The following RNF38 variants were observed in gnomAD, a reference collection of about 807,000 sequenced individuals.
RNF38 encodes E3 ubiquitin-protein ligase RNF38.
In RNF38, 15 loss-of-function variants were observed where a neutral mutation model predicts 67.2. The observed-to-expected ratio is 0.22, with a 90% CI of 0.15 to 0.34. The LOEUF (loss-of-function observed/expected upper bound fraction) is 0.34. Among genes scored for constraint, RNF38 ranks in the 10% least tolerant of loss-of-function variants. The pLI is 1.00. For synonymous variants in RNF38, 220 were observed against 218.8 expected (o/e 1.01, Z -0.05); for missense variants, 524 against 639.9 (o/e 0.82, Z 1.95).
At chr9:36,388,366 T>G (rs1836803193) in intron 2 of RNF38, among the ~76,000 whole-genome samples, 1 of 151,960 alleles carries the variant, frequency 6.6e-6, no homozygotes, top group Non-Finnish European at 1.5e-5. Context: ...TTTGGGCAAT[T>G]AAAAAGAAGT....
intron 1 of RNF38, among the ~76,000 whole-genome samples, chr9:36,395,381 T>TA (rs1837440643): frequency 6.6e-6 from 1 of 152,152 alleles, no homozygotes; most frequent in South Asian, 2.1e-4. Context: ...ACATGACTTC[T>TA]AAGCCAGTAT....
chr9:36,344,633 A>G lies in RNF38; in HGVS notation c.1385+199T>C, dbSNP rs111464969. 6.8e-3 allele frequency among the ~76,000 whole-genome samples: 1,033 copies of G among 152,342 alleles called. 6 individuals carry two copies. The highest frequency in any genetic ancestry group is 0.011 in the Non-Finnish European group (729 of 68,020). On this transcript the variant is annotated intron_variant, in intron 10 of 11. Transcript: ENST00000259605. Reference sequence around the variant, plus strand: ...TTTAATTTTTAATTTAATTAGCTCTACATTGACTTACTGGACAAGCACTGG... The same window carrying G: ...TTTAATTTTTAATTTAATTAGCTCTGCATTGACTTACTGGACAAGCACTGG...
chr9:36,452,365 C>G (rs898156377), intron 1 of RNF38, among the ~76,000 whole-genome samples: 3 of 151,984 alleles, frequency 2.0e-5, no homozygotes, highest in African/African-American at 7.3e-5. Flanking sequence ...CCCCATTCTC[C>G]CCTCCTCCAG....
chr9:36,400,038 C>G, intron 1 of RNF38, 59 bp downstream of exon 1: 1 of 1,503,404 alleles, frequency 6.7e-7, no homozygotes, highest in Non-Finnish European at 9.2e-7. Context: ...ATTAGCATAC[C>G]CAACTTTTAC....
At chr9:36,407,540 C>T (rs1182327990) in intron 2 of RNF38, among the ~76,000 whole-genome samples, 2 of 152,142 alleles carry the variant, frequency 1.3e-5, no homozygotes, top group Non-Finnish European at 2.9e-5. Flanking sequence ...GAAGTGGAGA[C>T]CCAAGGGCAC....
intron 11 of RNF38, among the ~76,000 whole-genome samples, chr9:36,341,250 G>A (rs2890721): frequency 0.12 from 18,482 of 151,988 alleles, 1,546 homozygotes; most frequent in Non-Finnish European, 0.18. Flanking sequence ...CTGTCCGCAC[G>A]TGTCAGGGAT....
rs144895582 is a variant in RNF38, at chr9:36,353,326, C to T, written c.915G>A (p.Leu305=). 6.2e-7 allele frequency: 1 copy of T among 1,601,602 alleles called. No homozygotes were observed. The highest frequency in any genetic ancestry group is 1.1e-5 in the South Asian group (1 of 89,032). The part of the protein sequence containing the change: ...PFQTQQSRSP[L]QRIENEVELL... Reference sequence around the variant, plus strand: ...GTTCCACTTCATTTTCTATCCTTTGCAGAGGCTGAGGAGGGGGAAAAAAAA... The same window carrying T: ...GTTCCACTTCATTTTCTATCCTTTGTAGAGGCTGAGGAGGGGGAAAAAAAA... Residue 305 remains leucine, a synonymous_variant, in exon 7 of 12, where the codon CTG becomes CTA. Coordinates refer to ENST00000259605, the MANE Select transcript of RNF38 (RefSeq NM_022781.5).
intron 1 of RNF38, among the ~76,000 whole-genome samples, chr9:36,460,169 C>T (rs1839693239): frequency 6.6e-6 from 1 of 152,042 alleles, no homozygotes; most frequent in Admixed American, 6.6e-5. Context: ...CTAGAAGATA[C>T]TAAGAATGTT....
intron 1 of RNF38, among the ~76,000 whole-genome samples, chr9:36,474,023 C>G (rs1840064783): frequency 7.5e-6 from 1 of 133,890 alleles, no homozygotes; most frequent in Admixed American, 7.8e-5. Flanking sequence ...TTTTTAAAAC[C>G]CTAGCACAGA....
At chr9:36,378,821 G>A (rs1041537156) in intron 2 of RNF38, among the ~76,000 whole-genome samples, 1 of 152,084 alleles carries the variant, frequency 6.6e-6, no homozygotes, top group African/African-American at 2.4e-5. Flanking sequence ...ACTTCTCTTT[G>A]TGCTATGATG....
chr9:36,384,638 G>T (rs1836461887), intron 2 of RNF38, among the ~76,000 whole-genome samples: 1 of 152,182 alleles, frequency 6.6e-6, no homozygotes, highest in Admixed American at 6.5e-5. Flanking sequence ...GTTGGAATTT[G>T]CCGTTTGGTA....
At chr9:36,378,941 C>T (rs775363995) in intron 2 of RNF38, among the ~76,000 whole-genome samples, 134 of 150,262 alleles carry the variant, frequency 8.9e-4, no homozygotes, top group Non-Finnish European at 1.3e-3. Context: ...ACTCTTGTTG[C>T]CCAGGCTGGA....
At chr9:36,386,441 A>G (rs187018152) in intron 2 of RNF38, among the ~76,000 whole-genome samples, 5 of 152,344 alleles carry the variant, frequency 3.3e-5, no homozygotes, top group Admixed American at 2.0e-4. Context: ...GAAACCTGGC[A>G]TATTTCTCTA....
At chr9:36,393,997 C>G (rs1181985514) in intron 1 of RNF38, among the ~76,000 whole-genome samples, 1 of 152,292 alleles carries the variant, frequency 6.6e-6, no homozygotes, top group Non-Finnish European at 1.5e-5. Flanking sequence ...CAGCTCTGGG[C>G]CGGGTACAGT....
intron 1 of RNF38, among the ~76,000 whole-genome samples, chr9:36,481,062 T>A (rs1840249020): frequency 6.6e-6 from 1 of 151,052 alleles, no homozygotes; most frequent in African/African-American, 2.4e-5. Context: ...TCACCCAGGC[T>A]GGAGTGCAAT....
intron 1 of RNF38, among the ~76,000 whole-genome samples, chr9:36,477,817 G>C (rs1490730987): frequency 1.2e-5 from 1 of 82,702 alleles, no homozygotes. Context: ...GGGAGACTCT[G>C]TCTCAAAAAA....
At chr9:36,378,996 G>A (rs1836001578) in intron 2 of RNF38, among the ~76,000 whole-genome samples, 1 of 151,966 alleles carries the variant, frequency 6.6e-6, no homozygotes, top group Non-Finnish European at 1.5e-5. Context: ...TGCCTCCTGG[G>A]TTCAAGTGAT....
chr9:36,483,241 C>A (rs1011927779), intron 1 of RNF38, among the ~76,000 whole-genome samples: 1 of 152,020 alleles, frequency 6.6e-6, no homozygotes, highest in South Asian at 2.1e-4. Flanking sequence ...TGAAAATTAT[C>A]CGGGCATGGT....
chr9:36,401,221 G>A (rs1350461723), upstream of RNF38: 2 of 980,692 alleles, frequency 2.0e-6, no homozygotes, highest in South Asian at 4.7e-5. Context: ...GGCGGGGCGG[G>A]GCTGCGCGCG....
Sources: allele counts gnomAD v4.1 joint callset (sites outside exome capture counted in the v4.1 genomes callset), GRCh38; gene constraint gnomAD v4.1.1; transcripts MANE v1.5; gene names NCBI Gene and HGNC (gene_info 2026-07-23, HGNC 2026-07-21).